Variants in DDX54 observed in about 807,000 individuals in gnomAD.
DDX54 encodes the protein DEAD-box helicase 54.
In DDX54, 67 loss-of-function variants were observed where a neutral mutation model predicts 105.5. That is an observed-to-expected ratio of 0.64 (90% CI 0.52 to 0.78). DDX54 has a LOEUF of 0.78. Among genes scored for constraint, DDX54 ranks in the 30% least tolerant of loss-of-function variants. DDX54 has a pLI of 0.00. For missense variants in DDX54, 1,206 were observed against 1,230.5 expected, an observed-to-expected ratio of 0.98 and a Z score of 0.30; for synonymous variants, 514 against 509.9, an observed-to-expected ratio of 1.01 and a Z score of -0.11.
At chr12:113,185,089 G>T (rs940793109) in intron 1 of DDX54, among the ~76,000 whole-genome samples, 189 bp downstream of exon 1, 4 of 152,210 alleles carry the variant, frequency 2.6e-5, no homozygotes, top group Non-Finnish European at 2.9e-5. Context: ...CTCTGGCCGC[G>T]GAACCCTGAG....
intron 4 of DDX54, 29 bp from the exon 5 acceptor site, chr12:113,179,055 C>T (rs371340456): frequency 6.2e-7 from 1 of 1,613,844 alleles, no homozygotes; most frequent in Admixed American, 1.7e-5. Context: ...TGAGAGAGGG[C>T]AGGGGTGAGA....
At chr12:113,172,932 G>A (rs1329981843) in intron 10 of DDX54, among the ~76,000 whole-genome samples, 2 of 152,118 alleles carry the variant, frequency 1.3e-5, no homozygotes, top group Admixed American at 6.5e-5. Context: ...TCATCTGTAC[G>A]AATAACTGCC....
At position 113,169,833 on chromosome 12, in the gene DDX54, G is replaced by C. The variant is rs1952315760; in HGVS notation, c.1351C>G (p.Leu451Val). Residue 451 changes from leucine (L) to valine (V), a missense_variant, in exon 12 of 20, where the codon CTG (leucine) becomes GTG (valine). Physicochemically the swap from Leu to Val is conservative, Grantham distance 32. This residue lies in a region of DDX54 where 961 missense variants were observed against 1,019.1 expected (regional missense o/e 0.94). Transcript: ENST00000306014. Reference sequence around the variant, plus strand: ...CGGCCCAGGAACAGGTGCAGATCCAGCAGGTAGGGGATTTCATCAGGGGCC... The same window carrying C: ...CGGCCCAGGAACAGGTGCAGATCCACCAGGTAGGGGATTTCATCAGGGGCC... ...LVAPDEIPYL[L>V]DLHLFLGRSL... The C allele has an allele frequency of 1.9e-6, 3 of 1,614,018 alleles. 1 individual carries two copies. The highest frequency in any genetic ancestry group is 2.2e-5 in the East Asian group (1 of 44,890).
chr12:113,172,471 G>A lies in DDX54; in HGVS notation c.1161C>T (p.Gly387=). ...RKINLAKFTL[G]KCSTLIVTDL... is the part of the protein sequence containing the mutation. ...CAGTCACAATGAGAGTGGAGCACTTGCCAAGCGTGAATTTGGCGAGATTGA... is the reference window on the plus strand; with the variant it reads ...CAGTCACAATGAGAGTGGAGCACTTACCAAGCGTGAATTTGGCGAGATTGA... Residue 387 remains glycine (G), a synonymous_variant, in exon 11 of 20, where the codon GGC becomes GGT. Transcript: ENST00000306014. 1 of 1,614,276 alleles carries A rather than the reference G, an allele frequency of 6.2e-7. No homozygotes were observed. The highest frequency in any genetic ancestry group is 8.5e-7 in the Non-Finnish European group (1 of 1,180,054).
At chr12:113,166,101 C>G (rs1473129228) in intron 12 of DDX54, 69 bp from the exon 13 acceptor site, 17 of 1,465,128 alleles carry the variant, frequency 1.2e-5, no homozygotes, top group Non-Finnish European at 1.4e-5. Flanking sequence ...CCGACCACCA[C>G]TCTTGGGCCT....
intron 18 of DDX54, chr12:113,161,613 C>T (rs1592996983): frequency 1.8e-6 from 1 of 557,168 alleles, no homozygotes; most frequent in East Asian, 3.1e-5. Context: ...AGCTGCTGGG[C>T]CCGCCCCCAG....
At chr12:113,180,334 G>A (rs1242774396) in intron 2 of DDX54, among the ~76,000 whole-genome samples, 1 of 152,056 alleles carries the variant, frequency 6.6e-6, no homozygotes, top group African/African-American at 2.4e-5. Flanking sequence ...AAGTGTGTGT[G>A]GACACAATGA....
At chr12:113,177,397 C>T in intron 5 of DDX54, 1 of 339,094 alleles carries the variant, frequency 2.9e-6, no homozygotes. Flanking sequence ...CCCACAGTGC[C>T]CCCAGCAACT....
At chr12:113,171,516 AT>A (rs1239702388) in intron 11 of DDX54, among the ~76,000 whole-genome samples, 5 of 151,984 alleles carry the variant, frequency 3.3e-5, no homozygotes, top group African/African-American at 1.2e-4. Flanking sequence ...ATGCAAGAGA[AT>A]AGCTAGAACC....
intron 12 of DDX54, among the ~76,000 whole-genome samples, chr12:113,168,495 G>A (rs1952301076): frequency 6.6e-6 from 1 of 152,246 alleles, no homozygotes; most frequent in South Asian, 2.1e-4. Flanking sequence ...AGCACAGATG[G>A]ACAAATGAGA....
chr12:113,172,461 T>A lies in DDX54; in HGVS notation c.1171A>T (p.Thr391Ser). ...LAKFTLGKCS[T>S]LIVTDLAARG... The stretch of plus-strand genomic sequence containing the variant: ...GCGGCCAGGTCAGTCACAATGAGAG[T>A]GGAGCACTTGCCAAGCGTGAATTTG... The change falls in exon 11 of 20, where the codon ACT becomes TCT. Residue 391 changes from threonine to serine, a missense_variant. Transcript: ENST00000306014. The A allele has an allele frequency of 6.2e-7, 1 of 1,614,012 alleles. No homozygotes were observed. Among genetic ancestry groups the A allele is most frequent in the Non-Finnish European group, 8.5e-7 (1 of 1,179,986 alleles).
chr12:113,162,084 C>A lies in DDX54; in HGVS notation c.2196-87G>T, dbSNP rs1283076068. The A allele has an allele frequency of 4.0e-6, 5 of 1,251,094 alleles. No homozygotes were observed. The East Asian group carries it at 1.2e-4, about 29-fold the overall frequency. The allele number at this position is 1,251,094 out of a possible 1,614,324, so 77.5% of individuals were successfully genotyped here. ...CTTGGGGCCTGTCTCCTCACCCGAC[C>A]CTCTTGTCAGGTTGTTGGAGCATTA... On this transcript the variant is annotated intron_variant, in intron 17 of 19. Transcript: ENST00000306014.
chr12:113,157,979 GA>G lies in DDX54; in HGVS notation c.*897del, dbSNP rs1041075692. The G allele has an allele frequency of 1.3e-4, 57 of 440,148 alleles. No individual in the cohort carries two copies. The highest frequency in any genetic ancestry group is 7.6e-4 in the African/African-American group (39 of 51,138). The allele number at this position is 440,148 out of a possible 1,614,324, so 27.3% of individuals were successfully genotyped here. A position where few individuals can be genotyped will look rare whatever the true frequency, so the allele number is the denominator to read the frequency against. ...CTCCCTGCCAGGGTGGTTGGGGCAT[GA>G]AAAAAAACTCTTTGTCAGGTCTCAG... On this transcript the variant is annotated 3_prime_UTR_variant, in exon 20 of 20. Coordinates refer to ENST00000306014, the MANE Select transcript of DDX54 (RefSeq NM_024072.4).
At position 113,168,343 on chromosome 12, in the gene DDX54, G is replaced by A. The variant is rs1020517607; in HGVS notation, c.1414+1427C>T. Among the ~76,000 whole-genome samples, 9 of 152,222 alleles carry A rather than the reference G, an allele frequency of 5.9e-5. No individual in the cohort carries two copies. In the East Asian group the frequency reaches 7.7e-4, roughly 13 times the overall value. Reference sequence around the variant, plus strand: ...CTGGCTAGGCTGTCCGGAGGAAGCCGCCTCAGCTCTCTGAGCTTGAGTCTT... The same window carrying A: ...CTGGCTAGGCTGTCCGGAGGAAGCCACCTCAGCTCTCTGAGCTTGAGTCTT... On this transcript the variant is annotated intron_variant, in intron 12 of 19. Coordinates refer to ENST00000306014, the MANE Select transcript of DDX54 (RefSeq NM_024072.4).
chr12:113,161,585 T>C (rs1028909561), intron 18 of DDX54: 1 of 520,272 alleles, frequency 1.9e-6, no homozygotes, highest in Non-Finnish European at 3.4e-6. Flanking sequence ...TCCCACTTAT[T>C]GGAGATGCCG....
intron 7 of DDX54, among the ~76,000 whole-genome samples, chr12:113,175,620 C>T (rs1276616683): frequency 1.3e-5 from 2 of 152,128 alleles, no homozygotes; most frequent in Non-Finnish European, 1.5e-5. Context: ...AACCCCGTCT[C>T]TATTAAAAAT....
At chr12:113,177,877 G>A (rs1035212561) in intron 5 of DDX54, among the ~76,000 whole-genome samples, 8 of 152,188 alleles carry the variant, frequency 5.3e-5, no homozygotes, top group Non-Finnish European at 8.8e-5. Flanking sequence ...ATGAACAGCA[G>A]GAGATACTAC....
intron 5 of DDX54, 101 bp from the exon 6 acceptor site, chr12:113,177,194 A>G (rs1593007204): frequency 1.4e-6 from 2 of 1,402,510 alleles, no homozygotes; most frequent in East Asian, 4.6e-5. Context: ...ATCCCCAGGA[A>G]CACAGACCCA....
chr12:113,178,694 C>A (rs1332558310), intron 5 of DDX54, among the ~76,000 whole-genome samples: 1 of 152,112 alleles, frequency 6.6e-6, no homozygotes, highest in African/African-American at 2.4e-5. Context: ...AGGTATGCGA[C>A]ACCATGCCCA....
Sources: gnomAD v4.1 joint callset for allele counts (sites outside exome capture counted in the v4.1 genomes callset) on GRCh38, gnomAD v4.1.1 for gene constraint, gnomAD v4.1.1 regional missense constraint, MANE v1.5 for transcripts, NCBI Gene and HGNC (gene_info 2026-07-23, HGNC 2026-07-21) for gene names.